The following PROS1 variants were observed in gnomAD, a reference collection of about 807,000 sequenced individuals.
PROS1 encodes protein S.
Under a neutral mutation model 75.9 loss-of-function variants are expected in PROS1, and 29 were observed. That is an observed-to-expected ratio of 0.38 (90% CI 0.28 to 0.52). The LOEUF is 0.52. PROS1 is among the 20% of genes least tolerant of loss of function. The pLI, the probability that PROS1 is intolerant of heterozygous loss-of-function variation, is 0.83. For missense variants in PROS1, 680 were observed against 810.3 expected (o/e 0.84, Z 1.95); for synonymous variants, 245 against 280.6 (o/e 0.87, Z 1.27).
chr3:93,874,951 T>C (rs555694414), intron 14 of PROS1, among the ~76,000 whole-genome samples: 1 of 152,272 alleles, frequency 6.6e-6, no homozygotes, highest in South Asian at 2.1e-4. Context: ...TTAGAGTTCC[T>C]AAAAATAACA....
chr3:93,942,293 G>A (rs1709301202), intron 1 of PROS1, among the ~76,000 whole-genome samples: 1 of 152,060 alleles, frequency 6.6e-6, no homozygotes, highest in African/African-American at 2.4e-5. Flanking sequence ...TATTTATACT[G>A]ACTCTGAATA....
At chr3:93,969,160 T>C (rs556625254) in intron 1 of PROS1, among the ~76,000 whole-genome samples, 1 of 148,538 alleles carries the variant, frequency 6.7e-6, no homozygotes, top group East Asian at 2.0e-4. Flanking sequence ...GATGTGTTGG[T>C]ACACTATAAT....
intron 1 of PROS1, among the ~76,000 whole-genome samples, chr3:93,932,089 A>G (rs539993995): frequency 1.3e-5 from 2 of 152,374 alleles, no homozygotes; most frequent in African/African-American, 4.8e-5. Context: ...TGCTTTCAGC[A>G]ATTGGCTCAA....
At chr3:93,927,668 G>C (rs947499615) in intron 1 of PROS1, among the ~76,000 whole-genome samples, 2 of 151,552 alleles carry the variant, frequency 1.3e-5, no homozygotes, top group African/African-American at 4.9e-5. Flanking sequence ...AAACACACCA[G>C]ATAATATTCA....
At chr3:93,876,146 G>C (rs1576171509) in intron 14 of PROS1, among the ~76,000 whole-genome samples, 1 of 152,176 alleles carries the variant, frequency 6.6e-6, no homozygotes, top group East Asian at 1.9e-4. Context: ...TTATCACCCT[G>C]GTCCTGCAGC....
Position 93,874,450 on chromosome 3 carries a change from T to C in PROS1, c.1871-45A>G, listed in dbSNP as rs1299778697. 7 of 1,606,582 alleles carry C rather than the reference T, an allele frequency of 4.4e-6. No homozygotes were observed. The African/African-American group carries it at 5.4e-5, about 12-fold the overall frequency. On this transcript the variant is annotated intron_variant, in intron 14 of 14. Coordinates refer to ENST00000394236, the MANE Select transcript of PROS1 (RefSeq NM_000313.4). The stretch of plus-strand genomic sequence containing the variant: ...GAATATTAGTCCAAGACTTTTAGCA[T>C]CTTGTTTGTTTACAGTGAGAGAAGT...
intron 10 of PROS1, among the ~76,000 whole-genome samples, chr3:93,886,739 T>TA (rs537839759): frequency 7.6e-4 from 115 of 151,938 alleles, no homozygotes; most frequent in African/African-American, 2.6e-3. Flanking sequence ...ATTTTAAAGT[T>TA]AAAAAAAATA....
At chr3:93,897,080 A>T (rs947115947) in intron 8 of PROS1, among the ~76,000 whole-genome samples, 1 of 152,140 alleles carries the variant, frequency 6.6e-6, no homozygotes, top group African/African-American at 2.4e-5. Flanking sequence ...ATTTGAAGTC[A>T]GAAATAGGTG....
intron 3 of PROS1, among the ~76,000 whole-genome samples, chr3:93,923,673 A>T (rs1450022987): frequency 6.6e-6 from 1 of 152,036 alleles, no homozygotes; most frequent in Admixed American, 6.6e-5. Flanking sequence ...GGCTGAGGAG[A>T]GTGGACACTT....
At chr3:93,921,927 T>C (rs6773487) in intron 3 of PROS1, among the ~76,000 whole-genome samples, 120,005 of 152,078 alleles carry the variant, frequency 0.79, 47,473 homozygotes, top group Non-Finnish European at 0.82. Flanking sequence ...TCTTGTTACT[T>C]GGGGTTTGCT....
chr3:93,909,872 G>T (rs1708734138), intron 4 of PROS1, among the ~76,000 whole-genome samples: 1 of 151,872 alleles, frequency 6.6e-6, no homozygotes, highest in Non-Finnish European at 1.5e-5. Context: ...GAAAATAATA[G>T]AAAATTTTTA....
chr3:93,910,800 G>T, intron 3 of PROS1, 95 bp from the exon 4 acceptor site: 1 of 965,698 alleles, frequency 1.0e-6, no homozygotes. Context: ...GGACATTTAT[G>T]CTCCTGTAGA....
intron 1 of PROS1, among the ~76,000 whole-genome samples, chr3:93,951,844 G>A (rs1709503736): frequency 6.6e-6 from 1 of 152,170 alleles, no homozygotes; most frequent in East Asian, 1.9e-4. Flanking sequence ...CCAATCTCAT[G>A]TGCACAGACA....
intron 3 of PROS1, 92 bp downstream of exon 3, chr3:93,924,148 T>C (rs1708983601): frequency 1.2e-6 from 1 of 826,756 alleles, no homozygotes; most frequent in Non-Finnish European, 1.6e-6. Context: ...GAAATTACAT[T>C]GGATGGAATA....
intron 1 of PROS1, among the ~76,000 whole-genome samples, chr3:93,932,822 T>C (rs1400392269): frequency 6.6e-6 from 1 of 152,194 alleles, no homozygotes. Flanking sequence ...CCACCCTCTG[T>C]TCAAGGAGGG....
At position 93,906,492 on chromosome 3, in the gene PROS1, C is replaced by T. The variant is rs903754287; in HGVS notation, c.347-349G>A. On this transcript the variant is annotated intron_variant, in intron 4 of 14. Coordinates refer to ENST00000394236, the MANE Select transcript of PROS1 (RefSeq NM_000313.4). ...AGCTTTCCTGTCGTGGCTCCGGACCCGGGTGTCTCTGTGCTCTTGGGGGCC... is the reference window on the plus strand; with the variant it reads ...AGCTTTCCTGTCGTGGCTCCGGACCTGGGTGTCTCTGTGCTCTTGGGGGCC... Among the ~76,000 whole-genome samples the T allele has an allele frequency of 5.3e-5, 8 of 152,148 alleles. No individual in the cohort carries two copies. The East Asian group carries it at 1.2e-3, about 22-fold the overall frequency.
intron 1 of PROS1, among the ~76,000 whole-genome samples, chr3:93,967,506 A>T (rs1709809714): frequency 1.3e-5 from 2 of 152,196 alleles, no homozygotes; most frequent in Non-Finnish European, 2.9e-5. Context: ...CCAATTATAG[A>T]GGGCTCACTC....
rs1288128442 is a variant in PROS1 at position 93,884,785 on chromosome 3, C to A, written c.1435G>T (p.Val479Leu). ...EKQNKHCLVT[V>L]EKGSYYPGSG... ...CCAGGATAGTAGGAGCCCTTCTCCACAGTAACCAGGCAATGCTTATTTTGT... is the reference window on the plus strand; with the variant it reads ...CCAGGATAGTAGGAGCCCTTCTCCAAAGTAACCAGGCAATGCTTATTTTGT... The change falls in exon 12 of 15, where the codon GTG (valine) becomes TTG (leucine). Residue 479 changes from valine (V) to leucine (L), a missense_variant. Val to Leu is a conservative substitution (Grantham distance 32). Coordinates refer to ENST00000394236, the MANE Select transcript of PROS1 (RefSeq NM_000313.4). The A allele has an allele frequency of 2.5e-6, 4 of 1,613,914 alleles. No homozygotes were observed. In the African/African-American group the frequency reaches 5.3e-5, roughly 22 times the overall value.
At chr3:93,961,429 G>A (rs1442519647) in intron 1 of PROS1, among the ~76,000 whole-genome samples, 2 of 152,200 alleles carry the variant, frequency 1.3e-5, no homozygotes, top group Non-Finnish European at 2.9e-5. Context: ...GGAATGGTGA[G>A]AGGTCTCAGG....
Sources: gnomAD v4.1 joint callset for allele counts (sites outside exome capture counted in the v4.1 genomes callset) on GRCh38, gnomAD v4.1.1 for gene constraint, MANE v1.5 for transcripts, NCBI Gene and HGNC (gene_info 2026-07-23, HGNC 2026-07-21) for gene names.